SLC14A2: variants seen among roughly 807,000 people sequenced by gnomAD.
SLC14A2 encodes the protein solute carrier family 14 member 2, also known as urea transporter 2.
SLC14A2 carries 91 observed loss-of-function variants against 104.6 expected under a neutral mutation model. That is an observed-to-expected ratio of 0.87 (90% CI 0.73 to 1.04). The LOEUF (loss-of-function observed/expected upper bound fraction) is 1.04, where lower values mean the gene tolerates loss of function less well. Among genes scored for constraint, SLC14A2 ranks in the 50% least tolerant of loss-of-function variants. The pLI, the probability that SLC14A2 is intolerant of heterozygous loss-of-function variation, is 0.00. For missense variants in SLC14A2, 1,189 were observed against 1,156.0 expected, an observed-to-expected ratio of 1.03 and a Z score of -0.41; for synonymous variants, 476 against 466.4, an observed-to-expected ratio of 1.02 and a Z score of -0.27.
chr18:45,336,325 T>C (rs2085337479), intron 1 of SLC14A2, among the ~76,000 whole-genome samples: 4 of 152,140 alleles, frequency 2.6e-5, no homozygotes, highest in Non-Finnish European at 5.9e-5. Context: ...AGTTGAGGGA[T>C]AGACCCTTGA....
chr18:45,355,102 G>A (rs1350273987), intron 1 of SLC14A2, among the ~76,000 whole-genome samples: 1 of 152,132 alleles, frequency 6.6e-6, no homozygotes, highest in African/African-American at 2.4e-5. Context: ...AGATGTTCAT[G>A]GATTTCCATG....
chr18:45,332,983 A>G (rs1394931863), intron 1 of SLC14A2, among the ~76,000 whole-genome samples: 1 of 152,222 alleles, frequency 6.6e-6, no homozygotes, highest in East Asian at 1.9e-4. Context: ...TGAAGAATTC[A>G]TAAAAATGCA....
chr18:45,659,570 T>C (rs1334589690), intron 10 of SLC14A2, among the ~76,000 whole-genome samples: 1 of 152,240 alleles, frequency 6.6e-6, no homozygotes, highest in African/African-American at 2.4e-5. Context: ...TCTTGTTAGT[T>C]GATCATAAAT....
chr18:45,566,353 C>T (rs2044265851), intron 2 of SLC14A2, among the ~76,000 whole-genome samples: 1 of 152,176 alleles, frequency 6.6e-6, no homozygotes, highest in African/African-American at 2.4e-5. Context: ...TTAGGATATA[C>T]TGCCTTCAAT....
chr18:45,266,525 A>G (rs981335381), intron 1 of SLC14A2, among the ~76,000 whole-genome samples: 1 of 152,088 alleles, frequency 6.6e-6, no homozygotes, highest in Non-Finnish European at 1.5e-5. Flanking sequence ...CCTCTTCATA[A>G]TTATTAGCCA....
intron 1 of SLC14A2, among the ~76,000 whole-genome samples, chr18:45,425,938 G>A (rs1481063125): frequency 6.6e-6 from 1 of 151,988 alleles, no homozygotes; most frequent in Non-Finnish European, 1.5e-5. Context: ...CAGAAAAGGT[G>A]CTTCTCCTCC....
At chr18:45,254,857 G>T (rs1324579295) in intron 1 of SLC14A2, among the ~76,000 whole-genome samples, 2 of 152,124 alleles carry the variant, frequency 1.3e-5, no homozygotes, top group Admixed American at 1.3e-4. Context: ...GCAGGCTCAA[G>T]CTGGGCTTTG....
chr18:45,549,819 C>T lies in SLC14A2; in HGVS notation c.-35+66497C>T, dbSNP rs1030316762. Among the ~76,000 whole-genome samples, 15 of 152,258 alleles carry T rather than the reference C, an allele frequency of 9.9e-5. No homozygotes were observed. In the South Asian group the frequency reaches 1.2e-3, roughly 13 times the overall value. ...TATGGTTATACTATGAGCCTCATAA[C>T]CATCCAGTACAGTAGATGGCTCTAG... On this transcript the variant is annotated intron_variant, in intron 2 of 20. Coordinates refer to the SLC14A2 transcript ENST00000586448.
intron 2 of SLC14A2, among the ~76,000 whole-genome samples, chr18:45,601,701 T>C (rs1417169873): frequency 6.6e-6 from 1 of 152,208 alleles, no homozygotes; most frequent in African/African-American, 2.4e-5. Context: ...TTGAGGAAAA[T>C]TCTGACAATG....
At chr18:45,238,551 T>C (rs1264973852) in intron 1 of SLC14A2, among the ~76,000 whole-genome samples, 1 of 149,802 alleles carries the variant, frequency 6.7e-6, no homozygotes, top group Non-Finnish European at 1.5e-5. Flanking sequence ...AGATGACCAT[T>C]ATGTAACATT....
intron 2 of SLC14A2, among the ~76,000 whole-genome samples, chr18:45,574,181 T>G (rs12958309): frequency 6.6e-6 from 1 of 152,188 alleles, no homozygotes; most frequent in Non-Finnish European, 1.5e-5. Context: ...TGCCTGCACG[T>G]GCATGTGTGT....
chr18:45,397,280 A>C (rs1456618955), intron 1 of SLC14A2, among the ~76,000 whole-genome samples: 1 of 152,214 alleles, frequency 6.6e-6, no homozygotes, highest in African/African-American at 2.4e-5. Context: ...CACTTCCACC[A>C]ACACCATATG....
chr18:45,654,718 T>G (rs914513763), intron 10 of SLC14A2, among the ~76,000 whole-genome samples: 1 of 152,186 alleles, frequency 6.6e-6, no homozygotes, highest in Non-Finnish European at 1.5e-5. Context: ...TAAATGAGGC[T>G]GGACAAAAGT....
chr18:45,649,423 C>T (rs1031212881), intron 10 of SLC14A2, among the ~76,000 whole-genome samples: 37 of 152,160 alleles, frequency 2.4e-4, no homozygotes, highest in African/African-American at 7.5e-4. Flanking sequence ...ATTCTTTCCC[C>T]TTGCAATATG....
intron 1 of SLC14A2, among the ~76,000 whole-genome samples, chr18:45,342,155 C>T (rs1341733809): frequency 3.9e-5 from 6 of 152,054 alleles, no homozygotes; most frequent in Non-Finnish European, 7.3e-5. Context: ...GTTCGGTATT[C>T]GCTAATTCAG....
intron 10 of SLC14A2, chr18:45,648,082 T>C (rs1160335387): frequency 6.6e-6 from 1 of 151,918 alleles, no homozygotes; most frequent in South Asian, 2.1e-4. Context: ...TTCTAAAACA[T>C]TTACCTCATA....
intron 1 of SLC14A2, among the ~76,000 whole-genome samples, chr18:45,255,887 G>A (rs912488200): frequency 2.6e-5 from 4 of 152,156 alleles, no homozygotes; most frequent in Admixed American, 6.5e-5. Context: ...TTACCTCTCA[G>A]AAACCTCCAG....
At chr18:45,593,198 TC>T (rs2044674884) in intron 2 of SLC14A2, among the ~76,000 whole-genome samples, 1 of 151,746 alleles carries the variant, frequency 6.6e-6, no homozygotes, top group African/African-American at 2.4e-5. Context: ...GCGCCTGTAG[TC>T]CCAGCTACTC....
chr18:45,599,305 G>A (rs2044756121), intron 2 of SLC14A2, among the ~76,000 whole-genome samples: 1 of 152,180 alleles, frequency 6.6e-6, no homozygotes, highest in Admixed American at 6.5e-5. Context: ...TTCAGAAGCT[G>A]ATTCTTGAAT....
Sources: allele counts gnomAD v4.1 joint callset (sites outside exome capture counted in the v4.1 genomes callset), GRCh38; gene constraint gnomAD v4.1.1; transcripts MANE v1.5; gene names NCBI Gene and HGNC (gene_info 2026-07-23, HGNC 2026-07-21).